Variants in DLEU7 observed in about 807,000 individuals in gnomAD.
DLEU7 encodes deleted in lymphocytic leukemia 7, also known as leukemia-associated protein 7.
A neutral mutation model predicts 16.0 loss-of-function variants in DLEU7; 17 were observed. The observed-to-expected ratio is 1.06, with a 90% CI of 0.73 to 1.59. The LOEUF (loss-of-function observed/expected upper bound fraction) is 1.59, where lower values mean the gene tolerates loss of function less well. DLEU7 is among the 40% of genes most tolerant of loss of function. The pLI is 0.00. For missense variants in DLEU7, 308 were observed against 314.9 expected (o/e 0.98, Z 0.17); for synonymous variants, 113 against 139.8 (o/e 0.81, Z 1.35).
intron 1 of DLEU7, among the ~76,000 whole-genome samples, chr13:50,796,065 A>G (rs749323517): frequency 7.7e-6 from 1 of 129,060 alleles, no homozygotes; most frequent in Non-Finnish European, 1.7e-5. Context: ...TACCACCAGG[A>G]TATATATAAT....
chr13:50,830,348 C>T (rs189307346), intron 1 of DLEU7, among the ~76,000 whole-genome samples: 20 of 152,284 alleles, frequency 1.3e-4, no homozygotes, highest in Admixed American at 4.6e-4. Flanking sequence ...ATCAAGCCTC[C>T]ACCACATGAC....
At chr13:50,713,219 A>T (rs781308560) in exon 2 of DLEU7, 1 of 1,611,270 alleles carries the variant, frequency 6.2e-7, no homozygotes, top group South Asian at 1.1e-5. Flanking sequence ...GACCTTCTTC[A>T]CTCATTAGCC....
At chr13:50,774,204 C>G (rs1875420031) in intron 1 of DLEU7, among the ~76,000 whole-genome samples, 1 of 152,170 alleles carries the variant, frequency 6.6e-6, no homozygotes, top group South Asian at 2.1e-4. Flanking sequence ...AGGGAAATCC[C>G]CCAACCCCTT....
intron 1 of DLEU7, among the ~76,000 whole-genome samples, chr13:50,806,361 T>A (rs1056993842): frequency 6.6e-6 from 1 of 152,158 alleles, no homozygotes; most frequent in Admixed American, 6.5e-5. Context: ...TGGATAGAGA[T>A]CTTAGCATAC....
chr13:50,764,066 G>A (rs1392436184), intron 1 of DLEU7, among the ~76,000 whole-genome samples: 2 of 152,192 alleles, frequency 1.3e-5, no homozygotes, highest in Non-Finnish European at 2.9e-5. Flanking sequence ...GTACTAGAAC[G>A]CACATGGGCT....
intron 1 of DLEU7, among the ~76,000 whole-genome samples, chr13:50,790,886 A>C (rs1875937021): frequency 6.6e-6 from 1 of 152,108 alleles, no homozygotes; most frequent in African/African-American, 2.4e-5. Context: ...TCCTCAAAAA[A>C]AGTTTAGCAT....
At chr13:50,836,236 C>T (rs1454498487) in intron 1 of DLEU7, among the ~76,000 whole-genome samples, 1 of 152,192 alleles carries the variant, frequency 6.6e-6, no homozygotes, top group Non-Finnish European at 1.5e-5. Flanking sequence ...ACATTTCCCC[C>T]TCTAGCTCTC....
At chr13:50,825,191 T>C (rs1877046143) in intron 1 of DLEU7, among the ~76,000 whole-genome samples, 1 of 152,212 alleles carries the variant, frequency 6.6e-6, no homozygotes, top group Non-Finnish European at 1.5e-5. Context: ...ATAAAAATTA[T>C]TTTATGATTG....
At chr13:50,754,609 G>A (rs1874696196) in intron 1 of DLEU7, among the ~76,000 whole-genome samples, 1 of 152,198 alleles carries the variant, frequency 6.6e-6, no homozygotes, top group Admixed American at 6.5e-5. Context: ...TAGTTGGTCA[G>A]TGAGTTCTTA....
At chr13:50,719,131 A>T (rs1406402014) in intron 1 of DLEU7, among the ~76,000 whole-genome samples, 1 of 152,214 alleles carries the variant, frequency 6.6e-6, no homozygotes, top group South Asian at 2.1e-4. Context: ...AAGAAAAATC[A>T]TTTGTAACCG....
At chr13:50,776,787 G>T (rs1875512297) in intron 1 of DLEU7, among the ~76,000 whole-genome samples, 1 of 151,920 alleles carries the variant, frequency 6.6e-6, no homozygotes, top group African/African-American at 2.4e-5. Flanking sequence ...ATTAAGGGAG[G>T]GTTTCTATTA....
chr13:50,776,995 T>C (rs1237128230), intron 1 of DLEU7, among the ~76,000 whole-genome samples: 2 of 152,098 alleles, frequency 1.3e-5, no homozygotes, highest in African/African-American at 4.8e-5. Flanking sequence ...GAATCTTGGG[T>C]GATATTAGGC....
At chr13:50,730,527 CAGAG>C (rs1873885094) in intron 1 of DLEU7, among the ~76,000 whole-genome samples, 1 of 152,102 alleles carries the variant, frequency 6.6e-6, no homozygotes. Flanking sequence ...TAAGTGAACT[CAGAG>C]AGCAGTGCTT....
intron 1 of DLEU7, among the ~76,000 whole-genome samples, chr13:50,817,641 A>T (rs1049449116): frequency 6.6e-6 from 1 of 152,156 alleles, no homozygotes; most frequent in Non-Finnish European, 1.5e-5. Context: ...AAAATGGAAA[A>T]TGGAGCCAAC....
rs758939721 is a variant in DLEU7 at position 50,843,280 on chromosome 13, G to T, written c.367C>A (p.Arg123Ser). The change falls in exon 1 of 2, where the codon CGC becomes AGC. Residue 123 changes from arginine to serine, a missense_variant. Arg to Ser is a moderately radical substitution (Grantham distance 110). Transcript: ENST00000504404. This position sits in a 1 kb window ranked among gnomAD's most constrained non-coding sequence, Gnocchi z 5.7. ...AQMAMRSALA[R>S]VVDSTSELVS... ...AGCTCCGAAGTCGAGTCCACCACGC[G>T]GGCCAGCGCGCTGCGCATCGCCATC... The T allele has an allele frequency of 1.3e-6, 2 of 1,576,488 alleles. No homozygotes were observed. The highest frequency in any genetic ancestry group is 1.7e-6 in the Non-Finnish European group (2 of 1,161,220).
chr13:50,728,211 G>T (rs1231017824), intron 1 of DLEU7, among the ~76,000 whole-genome samples: 2 of 152,156 alleles, frequency 1.3e-5, no homozygotes, highest in African/African-American at 2.4e-5. Flanking sequence ...CTTTGGTCGG[G>T]GGTGGGAATG....
Position 50,841,433 on chromosome 13 carries a change from C to T in DLEU7, c.459+1755G>A, listed in dbSNP as rs1877656107. Among the ~76,000 whole-genome samples, 3 of 152,072 alleles carry T rather than the reference C, an allele frequency of 2.0e-5. No homozygotes were observed. In the South Asian group the frequency reaches 6.2e-4, roughly 31 times the overall value. ...AGGCTGCCTCCTCTGAGAAGCCTTC[C>T]AGGGTCACCTTAGGTAAAACTGATT... On this transcript the variant is annotated intron_variant, in intron 1 of 1. Coordinates refer to ENST00000504404, the MANE Select transcript of DLEU7 (RefSeq NM_001306135.2).
chr13:50,749,379 A>G (rs150082784), intron 1 of DLEU7, among the ~76,000 whole-genome samples: 5,021 of 152,232 alleles, frequency 0.033, 171 homozygotes, highest in African/African-American at 0.089. Context: ...GCAACTGCAA[A>G]TTGTGTTGCT....
intron 1 of DLEU7, among the ~76,000 whole-genome samples, chr13:50,800,611 T>C (rs1057223040): frequency 1.3e-5 from 2 of 152,134 alleles, no homozygotes; most frequent in Non-Finnish European, 2.9e-5. Context: ...TCCCGCACAT[T>C]AAAACTTCTG....
Sources: allele counts gnomAD v4.1 joint callset (sites outside exome capture counted in the v4.1 genomes callset), GRCh38; gene constraint gnomAD v4.1.1; non-coding constraint Gnocchi (gnomAD v3.1); transcripts MANE v1.5; gene names NCBI Gene and HGNC (gene_info 2026-07-23, HGNC 2026-07-21).